NSMCE2: variants seen among roughly 807,000 people sequenced by gnomAD.
NSMCE2 encodes the protein E3 SUMO-protein ligase NSE2.
A neutral mutation model predicts 23.8 loss-of-function variants in NSMCE2; 24 were observed. The ratio of observed to expected loss-of-function variants is 1.01; its 90% CI spans 0.73 to 1.42. The LOEUF (loss-of-function observed/expected upper bound fraction) is 1.42, where lower values mean the gene tolerates loss of function less well. Among genes scored for constraint, NSMCE2 ranks in the 40% most tolerant of loss-of-function variants. The pLI is 0.00. For missense variants in NSMCE2, 284 were observed against 296.5 expected, an observed-to-expected ratio of 0.96 and a Z score of 0.31; for synonymous variants, 92 against 94.1, an observed-to-expected ratio of 0.98 and a Z score of 0.13.
At chr8:125,297,566 T>A (rs1828378772) in intron 5 of NSMCE2, among the ~76,000 whole-genome samples, 1 of 151,920 alleles carries the variant, frequency 6.6e-6, no homozygotes, top group African/African-American at 2.4e-5. Context: ...TAACAAACAC[T>A]TAGGCTGTAA....
At chr8:125,202,792 A>G (rs1340354459) in intron 5 of NSMCE2, among the ~76,000 whole-genome samples, 1 of 152,234 alleles carries the variant, frequency 6.6e-6, no homozygotes, top group East Asian at 1.9e-4. Flanking sequence ...AAGCATAAGC[A>G]ATGTTTTAAT....
chr8:125,257,279 A>G (rs1461352712), intron 5 of NSMCE2, among the ~76,000 whole-genome samples: 2 of 150,628 alleles, frequency 1.3e-5, no homozygotes, highest in Non-Finnish European at 3.0e-5. Context: ...GCAAGGCTCC[A>G]TCTCAAAAAA....
At chr8:125,334,102 AG>A (rs1020804373) in intron 5 of NSMCE2, among the ~76,000 whole-genome samples, 5 of 152,256 alleles carry the variant, frequency 3.3e-5, no homozygotes, top group Admixed American at 2.6e-4. Context: ...CTGACCTTAA[AG>A]GGCCATTGTG....
chr8:125,356,765 C>G (rs181267803), intron 5 of NSMCE2, among the ~76,000 whole-genome samples: 120 of 152,280 alleles, frequency 7.9e-4, no homozygotes, highest in Non-Finnish European at 1.5e-3. Context: ...CCCTGCACTA[C>G]CTAATTGTAA....
At chr8:125,259,006 G>A (rs961742619) in intron 5 of NSMCE2, among the ~76,000 whole-genome samples, 1 of 152,136 alleles carries the variant, frequency 6.6e-6, no homozygotes, top group African/African-American at 2.4e-5. Flanking sequence ...GGGTTCAAGC[G>A]ATTCTCCTGC....
At chr8:125,183,275 C>A (rs1822916726) in intron 5 of NSMCE2, among the ~76,000 whole-genome samples, 1 of 152,168 alleles carries the variant, frequency 6.6e-6, no homozygotes, top group South Asian at 2.1e-4. Context: ...ACTGAGGAAG[C>A]TGCCTCACTT....
chr8:125,307,372 G>A lies in NSMCE2; in HGVS notation c.419-49847G>A, dbSNP rs138817411. ...ATAGGCAGGCGGCCAGCCAGCCATCGTGTTGTCTGTTTCATAATGTGTTGT... is the reference window on the plus strand; with the variant it reads ...ATAGGCAGGCGGCCAGCCAGCCATCATGTTGTCTGTTTCATAATGTGTTGT... On this transcript the variant is annotated intron_variant, in intron 5 of 7. Transcript: ENST00000287437. 5.9e-5 allele frequency among the ~76,000 whole-genome samples: 9 copies of A among 152,326 alleles called. No individual in the cohort carries two copies. The South Asian group carries it at 6.2e-4, about 11-fold the overall frequency.
intron 5 of NSMCE2, among the ~76,000 whole-genome samples, chr8:125,250,863 C>T (rs983462124): frequency 3.3e-5 from 5 of 152,054 alleles, no homozygotes; most frequent in South Asian, 4.1e-4. Flanking sequence ...CTGATCTTTA[C>T]GCAGGAAGAT....
At chr8:125,128,279 G>A (rs985234876) in intron 3 of NSMCE2, among the ~76,000 whole-genome samples, 1 of 152,182 alleles carries the variant, frequency 6.6e-6, no homozygotes, top group Non-Finnish European at 1.5e-5. Context: ...GAATATGCCT[G>A]GAGGTGTGCC....
At chr8:125,158,498 A>G (rs551093607) in intron 4 of NSMCE2, among the ~76,000 whole-genome samples, 2 of 152,342 alleles carry the variant, frequency 1.3e-5, no homozygotes, top group South Asian at 4.1e-4. Context: ...TTGAAGGGCC[A>G]GGCTGACCAC....
intron 5 of NSMCE2, among the ~76,000 whole-genome samples, chr8:125,341,642 GAGA>G (rs1830250546): frequency 6.6e-6 from 1 of 152,086 alleles, no homozygotes; most frequent in Admixed American, 6.5e-5. Context: ...TAATGATACA[GAGA>G]AGAAGAAAGT....
At chr8:125,147,921 C>G (rs537236455) in intron 3 of NSMCE2, among the ~76,000 whole-genome samples, 19 of 152,276 alleles carry the variant, frequency 1.2e-4, no homozygotes, top group East Asian at 3.9e-4. Context: ...GTTCTCATGA[C>G]CTGTCTTTAA....
chr8:125,260,451 G>T (rs1826639403), intron 5 of NSMCE2, among the ~76,000 whole-genome samples: 1 of 151,236 alleles, frequency 6.6e-6, no homozygotes, highest in African/African-American at 2.4e-5. Context: ...TTCGTGTGTG[G>T]TAGTTGCTTT....
chr8:125,116,204 CA>C (rs1316603613), intron 3 of NSMCE2, among the ~76,000 whole-genome samples: 1 of 152,160 alleles, frequency 6.6e-6, no homozygotes, highest in African/African-American at 2.4e-5. Context: ...TTCTATTTTA[CA>C]AATGACAAAA....
intron 1 of NSMCE2, among the ~76,000 whole-genome samples, chr8:125,101,819 A>C (rs974987009): frequency 5.3e-5 from 8 of 152,240 alleles, no homozygotes; most frequent in African/African-American, 1.9e-4. Flanking sequence ...GTTAGAAGCC[A>C]GAGGAACTGG....
At chr8:125,158,357 C>A (rs1160289981) in intron 4 of NSMCE2, among the ~76,000 whole-genome samples, 1 of 152,068 alleles carries the variant, frequency 6.6e-6, no homozygotes, top group Non-Finnish European at 1.5e-5. Flanking sequence ...GCAAAGAAGA[C>A]CCCTCTGTGC....
chr8:125,155,387 A>G lies in NSMCE2; in HGVS notation c.264+4110A>G, dbSNP rs113990845. Among the ~76,000 whole-genome samples the G allele has an allele frequency of 1.4e-3, 209 of 152,286 alleles. 1 individual carries two copies. Among genetic ancestry groups the G allele is most frequent in the African/African-American group, 4.6e-3 (191 of 41,572 alleles). On this transcript the variant is annotated intron_variant, in intron 4 of 7. Coordinates refer to ENST00000287437, the MANE Select transcript of NSMCE2 (RefSeq NM_173685.4). Reference sequence around the variant, plus strand: ...TTGATGTCAGCTTCAGAGTGCCTTAATCAATCCAAAGACTTATTGTGAAAA... The same window carrying G: ...TTGATGTCAGCTTCAGAGTGCCTTAGTCAATCCAAAGACTTATTGTGAAAA...
intron 5 of NSMCE2, among the ~76,000 whole-genome samples, chr8:125,316,647 TTTCCTTCTTTCCTTCC>T (rs1283877561): frequency 4.7e-5 from 3 of 63,560 alleles, no homozygotes; most frequent in Admixed American, 1.9e-4. Flanking sequence ...TATTTCCTTC[TTTCCTTCTTTCCTTCC>T]TTCCTTCTTT....
Position 125,276,185 on chromosome 8 carries a change from C to T in NSMCE2, c.419-81034C>T, listed in dbSNP as rs556868313. Among the ~76,000 whole-genome samples the T allele has an allele frequency of 1.3e-3, 202 of 152,292 alleles. 2 individuals carry two copies. The South Asian group carries it at 0.04, about 30-fold the overall frequency. ...CACCACTCACATAGCACCCCAGCCC[C>T]TGTACTGCCCAGGGCCAGCATTGAC... On this transcript the variant is annotated intron_variant, in intron 5 of 7. Coordinates refer to ENST00000287437, the MANE Select transcript of NSMCE2 (RefSeq NM_173685.4).
Sources: allele counts gnomAD v4.1 joint callset (sites outside exome capture counted in the v4.1 genomes callset), GRCh38; gene constraint gnomAD v4.1.1; transcripts MANE v1.5; gene names NCBI Gene and HGNC (gene_info 2026-07-23, HGNC 2026-07-21).